Variants in CCDC73 observed in about 807,000 individuals in gnomAD.
CCDC73 encodes the protein coiled-coil domain-containing protein 73.
In CCDC73, 95 loss-of-function variants were observed where a neutral mutation model predicts 116.5. That is an observed-to-expected ratio of 0.82 (90% CI 0.69 to 0.97). The LOEUF is 0.97. CCDC73 is among the 50% of genes least tolerant of loss of function. The pLI is 0.00. For missense variants in CCDC73, 1,066 were observed against 1,206.8 expected (o/e 0.88, Z 1.73); for synonymous variants, 398 against 401.3 (o/e 0.99, Z 0.10).
the CCDC73 span, among the ~76,000 whole-genome samples, chr11:32,804,355 T>C: frequency 1.3e-4 from 20 of 152,254 alleles, no homozygotes; most frequent in Non-Finnish European, 2.4e-4. Context: ...GGTCTCGAAC[T>C]CCTGGGTTCA....
chr11:32,755,541 A>ATATATATATATATATATATATG (rs2133371523), intron 2 of CCDC73, among the ~76,000 whole-genome samples: 1 of 110,982 alleles, frequency 9.0e-6, no homozygotes, highest in East Asian at 3.3e-4. Flanking sequence ...CTCAAAATAT[A>ATATATATATATATATATATATG]TATATATATA....
At chr11:32,636,557 T>C (rs1855680557) in intron 13 of CCDC73, among the ~76,000 whole-genome samples, 1 of 152,034 alleles carries the variant, frequency 6.6e-6, no homozygotes, top group African/African-American at 2.4e-5. Flanking sequence ...ATATTTGTGG[T>C]TTTATAAAAG....
chr11:32,731,229 G>A (rs1258419159), intron 2 of CCDC73, among the ~76,000 whole-genome samples: 1 of 152,208 alleles, frequency 6.6e-6, no homozygotes, highest in Non-Finnish European at 1.5e-5. Context: ...CTGGGGGAGA[G>A]GCGCCCACCA....
the CCDC73 span, among the ~76,000 whole-genome samples, chr11:32,825,214 T>C: frequency 2.6e-5 from 4 of 151,702 alleles, no homozygotes; most frequent in African/African-American, 9.7e-5. Flanking sequence ...TTGGTATATT[T>C]CCTAATAGAA....
chr11:32,633,848 A>G (rs1855653941), intron 14 of CCDC73, among the ~76,000 whole-genome samples: 1 of 152,216 alleles, frequency 6.6e-6, no homozygotes, highest in Non-Finnish European at 1.5e-5. Flanking sequence ...TAGTTTAGGT[A>G]CAGTGAGCCA....
Position 32,616,148 on chromosome 11 carries a change from G to T in CCDC73, c.1186-19C>A, listed in dbSNP as rs769594328. 1.3e-6 allele frequency: 2 copies of T among 1,546,876 alleles called. No homozygotes were observed. The highest frequency in any genetic ancestry group is 1.7e-6 in the Non-Finnish European group (2 of 1,153,906). On this transcript the variant is annotated intron_variant, in intron 14 of 17. Transcript: ENST00000335185. Reference sequence around the variant, plus strand: ...GAACATTCTAGTGTAAAATGGAAGAGATTCTTTTAAAAACATTGCCTACAA... The same window carrying T: ...GAACATTCTAGTGTAAAATGGAAGATATTCTTTTAAAAACATTGCCTACAA...
chr11:32,717,581 A>G (rs1175349240), intron 3 of CCDC73, among the ~76,000 whole-genome samples: 1 of 152,236 alleles, frequency 6.6e-6, no homozygotes, highest in African/African-American at 2.4e-5. Context: ...TGAGATTTTA[A>G]AATAATCCAC....
intron 14 of CCDC73, among the ~76,000 whole-genome samples, chr11:32,627,644 A>G (rs1157568148): frequency 6.6e-6 from 1 of 152,222 alleles, no homozygotes; most frequent in Admixed American, 6.5e-5. Context: ...GCAGCCATAA[A>G]AAAGGATGAG....
chr11:32,763,375 C>T (rs11031968), intron 1 of CCDC73, among the ~76,000 whole-genome samples: 39,252 of 152,198 alleles, frequency 0.26, 5,564 homozygotes, highest in South Asian at 0.35. Context: ...CTCACATGGC[C>T]GGGTACCCCT....
At chr11:32,690,945 C>T (rs1856251682) in intron 6 of CCDC73, among the ~76,000 whole-genome samples, 1 of 152,246 alleles carries the variant, frequency 6.6e-6, no homozygotes. Context: ...AAGTATATGA[C>T]ATGTGTCCAC....
rs560882995 is a variant in CCDC73 at position 32,787,450 on chromosome 11, T to C, written c.-16+7163A>G. ...AATATAAACACAATTGTCTTTTTTA[T>C]ATTTACAACTATAAAAAATTTTCGA... is the stretch of plus-strand genomic sequence containing the variant. On this transcript the variant is annotated intron_variant, in intron 1 of 17. Transcript: ENST00000335185. Among the ~76,000 whole-genome samples, 9 of 152,336 alleles carry C rather than the reference T, an allele frequency of 5.9e-5. No homozygotes were observed. The South Asian group carries it at 1.9e-3, about 32-fold the overall frequency.
chr11:32,824,768 TA>T, the CCDC73 span, among the ~76,000 whole-genome samples: 1 of 152,194 alleles, frequency 6.6e-6, no homozygotes, highest in African/African-American at 2.4e-5. Context: ...AACCACGCTT[TA>T]AAATCCATAT....
chr11:32,704,930 C>T (rs1242599437), intron 3 of CCDC73, among the ~76,000 whole-genome samples: 15 of 152,232 alleles, frequency 9.9e-5, no homozygotes, highest in Admixed American at 9.8e-4. Context: ...CTCTGCCTTG[C>T]TAACCCTCCA....
chr11:32,707,590 C>T (rs755008193), intron 3 of CCDC73, among the ~76,000 whole-genome samples: 5 of 151,998 alleles, frequency 3.3e-5, no homozygotes, highest in Admixed American at 2.0e-4. Context: ...CAAGTTTTTT[C>T]GACGTTCTAA....
At chr11:32,683,463 T>C (rs921368732) in intron 7 of CCDC73, 73 bp downstream of exon 7, 9 of 977,434 alleles carry the variant, frequency 9.2e-6, no homozygotes, top group Non-Finnish European at 1.5e-5. Flanking sequence ...AATGTCACAT[T>C]TTATTCCCAA....
At chr11:32,661,150 C>T (rs920296237) in intron 9 of CCDC73, among the ~76,000 whole-genome samples, 2 of 152,064 alleles carry the variant, frequency 1.3e-5, no homozygotes. Flanking sequence ...ATATCAAATA[C>T]CTTCAAGGTG....
rs564464071 is a variant in CCDC73, at chr11:32,655,113, T to A, written c.646-141A>T. On this transcript the variant is annotated intron_variant, in intron 9 of 17. Coordinates refer to ENST00000335185, the MANE Select transcript of CCDC73 (RefSeq NM_001008391.4). ...TCCCTTGCAAGTTCCCTTGCAAGATTAGCCAAGGTGGGAACATAATCTGCG... is the reference window on the plus strand; with the variant it reads ...TCCCTTGCAAGTTCCCTTGCAAGATAAGCCAAGGTGGGAACATAATCTGCG... 2.3e-5 allele frequency: 15 copies of A among 661,304 alleles called. No individual in the cohort carries two copies. In the Admixed American group the frequency reaches 5.4e-4, roughly 24 times the overall value. 41.0% of individuals were successfully genotyped at this position (661,304 alleles called of 1,614,324 possible).
intron 1 of CCDC73, among the ~76,000 whole-genome samples, chr11:32,780,482 G>A (rs1393117203): frequency 6.6e-6 from 1 of 151,942 alleles, no homozygotes; most frequent in Non-Finnish European, 1.5e-5. Context: ...ATTCTATGCT[G>A]ACTCAACTTC....
At chr11:32,773,549 G>A (rs1043706389) in intron 1 of CCDC73, among the ~76,000 whole-genome samples, 1 of 152,060 alleles carries the variant, frequency 6.6e-6, no homozygotes, top group South Asian at 2.1e-4. Context: ...GAAGGTTGAG[G>A]CAGGAGGATC....
Sources: gnomAD v4.1 joint callset for allele counts (sites outside exome capture counted in the v4.1 genomes callset) on GRCh38, gnomAD v4.1.1 for gene constraint, MANE v1.5 for transcripts, NCBI Gene and HGNC (gene_info 2026-07-23, HGNC 2026-07-21) for gene names.